The following PALM2AKAP2 variants were observed in gnomAD, a reference collection of about 807,000 sequenced individuals.
The protein encoded by PALM2AKAP2 is PALM2 and AKAP2 fusion.
Under a neutral mutation model 71.5 loss-of-function variants are expected in PALM2AKAP2, and 37 were observed. The ratio of observed to expected loss-of-function variants is 0.52; its 90% CI spans 0.40 to 0.68. The LOEUF is 0.68. Among genes scored for constraint, PALM2AKAP2 ranks in the 30% least tolerant of loss-of-function variants. The probability of loss-of-function intolerance (pLI) is 0.00; values close to 1 mark genes in which losing one functional copy is unlikely to be tolerated. For missense variants in PALM2AKAP2, 1,224 were observed against 1,191.8 expected, an observed-to-expected ratio of 1.03 and a Z score of -0.40; for synonymous variants, 468 against 478.8, an observed-to-expected ratio of 0.98 and a Z score of 0.29.
chr9:110,118,217 A>ACC (rs751181177), intron 1 of PALM2AKAP2, among the ~76,000 whole-genome samples: 1 of 150,666 alleles, frequency 6.6e-6, no homozygotes, highest in Non-Finnish European at 1.5e-5. Context: ...ATACACACAC[A>ACC]CACACAAATT....
intron 1 of PALM2AKAP2, among the ~76,000 whole-genome samples, chr9:109,682,412 A>T (rs1361081487): frequency 2.6e-5 from 4 of 152,206 alleles, no homozygotes; most frequent in Admixed American, 6.5e-5. Context: ...TGTTTCTCTC[A>T]GAATCATCTG....
intron 1 of PALM2AKAP2, among the ~76,000 whole-genome samples, chr9:109,663,605 A>G (rs1827434553): frequency 6.6e-6 from 1 of 152,182 alleles, no homozygotes; most frequent in Non-Finnish European, 1.5e-5. Context: ...CTTTACTTCT[A>G]ATTATGTGGT....
chr9:109,667,599 G>A (rs906598366), intron 1 of PALM2AKAP2, among the ~76,000 whole-genome samples: 8 of 152,100 alleles, frequency 5.3e-5, no homozygotes, highest in African/African-American at 1.9e-4. Context: ...AGACCAGCCT[G>A]GCCAACATGG....
intron 6 of PALM2AKAP2, among the ~76,000 whole-genome samples, chr9:109,987,409 A>G (rs542644777): frequency 1.3e-5 from 2 of 152,244 alleles, no homozygotes; most frequent in South Asian, 2.1e-4. Context: ...GATTACAGGC[A>G]TGAGCCACCA....
intron 1 of PALM2AKAP2, among the ~76,000 whole-genome samples, chr9:110,104,306 G>A (rs903142063): frequency 6.6e-6 from 1 of 151,964 alleles, no homozygotes; most frequent in African/African-American, 2.4e-5. Flanking sequence ...AATTGAAACT[G>A]GTCCAGATGA....
rs1360533637 is a variant in PALM2AKAP2 at position 110,137,138 on chromosome 9, T to C, written c.1168T>C (p.Ser390Pro). 3.7e-6 allele frequency: 6 copies of C among 1,613,610 alleles called. No homozygotes were observed. The Admixed American group carries it at 1.0e-4, about 27-fold the overall frequency. The change falls in exon 2 of 4, where the codon TCT becomes CCT. Residue 390 changes from serine to proline, a missense_variant. Physicochemically the swap from Ser to Pro is moderately conservative, Grantham distance 74 (BLOSUM62 -1). Transcript: ENST00000374525. The stretch of plus-strand genomic sequence containing the variant: ...ATCGCAGCTCTGCACAGCCCCTGCC[T>C]CTTCTCATGAACGCGCAAGCATGAT...
At chr9:110,097,246 T>C (rs898637619) in intron 1 of PALM2AKAP2, among the ~76,000 whole-genome samples, 3 of 150,106 alleles carry the variant, frequency 2.0e-5, no homozygotes, top group Non-Finnish European at 4.4e-5. Flanking sequence ...ACAGCACATG[T>C]TTCAGAGAGC....
intron 1 of PALM2AKAP2, among the ~76,000 whole-genome samples, chr9:109,735,046 A>G (rs1441100161): frequency 6.6e-6 from 1 of 151,948 alleles, no homozygotes; most frequent in Non-Finnish European, 1.5e-5. Flanking sequence ...AGCATTGAGA[A>G]ATAATAGCAA....
At chr9:109,825,351 A>T (rs945491652) in intron 1 of PALM2AKAP2, among the ~76,000 whole-genome samples, 1 of 152,250 alleles carries the variant, frequency 6.6e-6, no homozygotes, top group Non-Finnish European at 1.5e-5. Context: ...ACAAAAGCCA[A>T]AATTGACAAA....
upstream of PALM2AKAP2, among the ~76,000 whole-genome samples, chr9:110,045,027 C>T (rs959310249): frequency 1.3e-5 from 2 of 152,048 alleles, no homozygotes; most frequent in African/African-American, 4.8e-5. Flanking sequence ...CTGTTCTTTA[C>T]TTTGTGTGTT....
At chr9:110,040,185 A>AT (rs1833486573) in intron 7 of PALM2AKAP2, among the ~76,000 whole-genome samples, 1 of 152,176 alleles carries the variant, frequency 6.6e-6, no homozygotes, top group Admixed American at 6.5e-5. Flanking sequence ...TTCTAAAGTG[A>AT]TTTTATGTTG....
intron 1 of PALM2AKAP2, among the ~76,000 whole-genome samples, chr9:110,106,604 A>C (rs1416476442): frequency 1.3e-5 from 2 of 152,138 alleles, no homozygotes. Context: ...ACATTGTCCC[A>C]GTGCAGCTCC....
intron 1 of PALM2AKAP2, among the ~76,000 whole-genome samples, chr9:109,816,125 G>A (rs2131465520): frequency 6.6e-6 from 1 of 152,332 alleles, no homozygotes; most frequent in Non-Finnish European, 1.5e-5. Flanking sequence ...AGTGTTGAGA[G>A]CTCAGATAAG....
intron 4 of PALM2AKAP2, 131 bp downstream of exon 4, chr9:109,923,980 G>A (rs372419093): frequency 2.1e-6 from 2 of 967,088 alleles, no homozygotes. Context: ...ATGAAATGAG[G>A]GGCAGATGTG....
chr9:110,016,661 A>G (rs1832984792), intron 7 of PALM2AKAP2, among the ~76,000 whole-genome samples: 1 of 152,210 alleles, frequency 6.6e-6, no homozygotes, highest in African/African-American at 2.4e-5. Flanking sequence ...AGCAAAAGTT[A>G]TCAGAGGTGC....
At chr9:109,829,848 T>G (rs1053218794) in intron 1 of PALM2AKAP2, among the ~76,000 whole-genome samples, 6 of 152,042 alleles carry the variant, frequency 3.9e-5, no homozygotes, top group Non-Finnish European at 7.3e-5. Context: ...TAACCTTGAT[T>G]TAGAATTTAA....
chr9:110,101,421 G>A (rs1358637548), intron 1 of PALM2AKAP2, among the ~76,000 whole-genome samples: 2 of 152,018 alleles, frequency 1.3e-5, no homozygotes, highest in East Asian at 3.9e-4. Context: ...TTTCTGATCT[G>A]CTTGAAAGAC....
chr9:109,806,982 G>A (rs533459053), intron 1 of PALM2AKAP2, among the ~76,000 whole-genome samples: 76 of 152,292 alleles, frequency 5.0e-4, no homozygotes, highest in Middle Eastern at 3.4e-3. Context: ...GTGGGCAAGC[G>A]TGGAAGCAGG....
intron 1 of PALM2AKAP2, among the ~76,000 whole-genome samples, chr9:110,077,538 A>C (rs1267023495): frequency 2.2e-5 from 2 of 92,256 alleles, no homozygotes; most frequent in Non-Finnish European, 5.7e-5. Context: ...CACGTCTCTG[A>C]CTCATGGGTC....
Sources: gnomAD v4.1 joint callset for allele counts (sites outside exome capture counted in the v4.1 genomes callset) on GRCh38, gnomAD v4.1.1 for gene constraint, MANE v1.5 for transcripts, NCBI Gene and HGNC (gene_info 2026-07-23, HGNC 2026-07-21) for gene names.